SPATA13: variants seen among roughly 807,000 people sequenced by gnomAD.
The protein encoded by SPATA13 is spermatogenesis associated 13.
A neutral mutation model predicts 104.0 loss-of-function variants in SPATA13; 50 were observed. The ratio of observed to expected loss-of-function variants is 0.48; its 90% CI spans 0.38 to 0.61. SPATA13 has a LOEUF of 0.61. SPATA13 is among the 20% of genes least tolerant of loss of function. SPATA13 has a pLI of 0.00. For synonymous variants in SPATA13, 606 were observed against 667.5 expected, an observed-to-expected ratio of 0.91 and a Z score of 1.42; for missense variants, 1,524 against 1,690.6, an observed-to-expected ratio of 0.90 and a Z score of 1.73.
intron 3 of SPATA13, among the ~76,000 whole-genome samples, chr13:24,111,001 G>C (rs1880621405): frequency 6.6e-6 from 1 of 152,078 alleles, no homozygotes; most frequent in Non-Finnish European, 1.5e-5. Flanking sequence ...TCGAACTCCT[G>C]AACTCCAGTG....
intron 3 of SPATA13, among the ~76,000 whole-genome samples, chr13:24,047,992 G>A (rs1241050843): frequency 6.6e-6 from 1 of 152,210 alleles, no homozygotes; most frequent in Non-Finnish European, 1.5e-5. Flanking sequence ...CAGGGTAGGA[G>A]ACAGATGTCC....
Position 24,306,988 on chromosome 13 carries a change from A to G in SPATA13, c.*4215A>G, listed in dbSNP as rs573347921. 6.6e-6 allele frequency: 1 copy of G among 152,260 alleles called. No homozygotes were observed. Among genetic ancestry groups the G allele is most frequent in the Non-Finnish European group, 1.5e-5 (1 of 68,040 alleles). 9.4% of individuals were successfully genotyped at this position (152,260 alleles called of 1,614,324 possible). On this transcript the variant is annotated 3_prime_UTR_variant, in exon 13 of 13. Coordinates refer to ENST00000382108, the MANE Select transcript of SPATA13 (RefSeq NM_001166271.3). ...TTGAAGTTTTTTGTAAAAAAAAATTATTTACAATGTTATTTGAATGATTTT... is the reference window on the plus strand; with the variant it reads ...TTGAAGTTTTTTGTAAAAAAAAATTGTTTACAATGTTATTTGAATGATTTT...
intron 2 of SPATA13, among the ~76,000 whole-genome samples, chr13:24,238,853 T>C (rs1872698398): frequency 6.6e-6 from 1 of 152,204 alleles, no homozygotes; most frequent in Non-Finnish European, 1.5e-5. Flanking sequence ...TGGAAATATT[T>C]GGCAGCAGAA....
chr13:24,062,501 C>G (rs761507130), intron 3 of SPATA13, among the ~76,000 whole-genome samples: 6 of 152,224 alleles, frequency 3.9e-5, no homozygotes, highest in Admixed American at 6.5e-5. Context: ...CTCCAGGGCT[C>G]TGTGAACCTG....
In SPATA13 at chr13:24,262,305, T is replaced by C. The variant is rs370416724; in HGVS notation, c.2164+10443T>C. On this transcript the variant is annotated intron_variant, in intron 4 of 12. Coordinates refer to ENST00000382108, the MANE Select transcript of SPATA13 (RefSeq NM_001166271.3). Reference sequence around the variant, plus strand: ...TTTTGTTTGTTTAAAACAAAGTTTTTTTTCTTTTTTTTTTTTTAGCTCTTT... The same window carrying C: ...TTTTGTTTGTTTAAAACAAAGTTTTCTTTCTTTTTTTTTTTTTAGCTCTTT... Among the ~76,000 whole-genome samples the C allele has an allele frequency of 2.8e-5, 4 of 141,090 alleles. No individual in the cohort carries two copies. The South Asian group carries it at 8.6e-4, about 30-fold the overall frequency. The allele number at this position is 141,090 out of a possible 152,430, so 92.6% of individuals were successfully genotyped here. A position where few individuals can be genotyped will look rare whatever the true frequency, so the allele number is the denominator to read the frequency against.
intron 1 of SPATA13, among the ~76,000 whole-genome samples, chr13:24,209,624 C>T (rs964071437): frequency 5.3e-5 from 8 of 152,164 alleles, no homozygotes; most frequent in Non-Finnish European, 1.2e-4. Context: ...AATAGTACTC[C>T]GTTGTGTGTG....
chr13:24,233,611 T>C (rs74810273), intron 2 of SPATA13, among the ~76,000 whole-genome samples: 3 of 152,138 alleles, frequency 2.0e-5, no homozygotes, highest in Non-Finnish European at 4.4e-5. Flanking sequence ...AATGGAATCA[T>C]TTTCTAAGTC....
At chr13:24,081,178 A>G (rs1424326088) in intron 3 of SPATA13, among the ~76,000 whole-genome samples, 2 of 152,200 alleles carry the variant, frequency 1.3e-5, no homozygotes, top group African/African-American at 4.8e-5. Flanking sequence ...AATTGATGCA[A>G]TAATTTGACT....
chr13:23,988,238 C>T (rs1385466509), intron 2 of SPATA13, among the ~76,000 whole-genome samples: 7 of 152,306 alleles, frequency 4.6e-5, no homozygotes, highest in Admixed American at 2.0e-4. Flanking sequence ...TGAGCCACTG[C>T]GCCCAGCCAA....
At chr13:24,079,870 AT>A (rs1322996773) in intron 3 of SPATA13, among the ~76,000 whole-genome samples, 1 of 152,076 alleles carries the variant, frequency 6.6e-6, no homozygotes, top group African/African-American at 2.4e-5. Flanking sequence ...GAGGATGGGG[AT>A]ACTCATACAC....
chr13:24,140,006 TG>T (rs1256752893), intron 3 of SPATA13, among the ~76,000 whole-genome samples: 7 of 149,022 alleles, frequency 4.7e-5, no homozygotes, highest in Non-Finnish European at 7.4e-5. Flanking sequence ...AGGCGGAGCT[TG>T]GCAGTGAGCC....
intron 4 of SPATA13, among the ~76,000 whole-genome samples, chr13:24,283,498 G>A (rs1417491198): frequency 6.6e-6 from 1 of 152,214 alleles, no homozygotes; most frequent in Non-Finnish European, 1.5e-5. Context: ...TGCCAAGGGT[G>A]GCTCATTTTC....
At chr13:24,228,289 A>G (rs1872068522) in intron 2 of SPATA13, among the ~76,000 whole-genome samples, 2 of 151,300 alleles carry the variant, frequency 1.3e-5, no homozygotes, top group Non-Finnish European at 1.5e-5. Context: ...CATGTTTTCT[A>G]TTTTTTTAGT....
intron 1 of SPATA13, among the ~76,000 whole-genome samples, chr13:24,188,760 T>A (rs1869324238): frequency 6.6e-6 from 1 of 151,458 alleles, no homozygotes. Context: ...GATGCCATTC[T>A]AGGATTTTTC....
intron 1 of SPATA13, among the ~76,000 whole-genome samples, chr13:24,214,660 T>C (rs1240769001): frequency 6.6e-6 from 1 of 152,184 alleles, no homozygotes; most frequent in African/African-American, 2.4e-5. Context: ...AGAGGGATGC[T>C]CCCTGGTGTT....
At chr13:24,110,869 C>T (rs768397419) in intron 3 of SPATA13, among the ~76,000 whole-genome samples, 14 of 152,196 alleles carry the variant, frequency 9.2e-5, no homozygotes, top group Non-Finnish European at 1.8e-4. Context: ...CTGCTAAAGA[C>T]TGAAATATGT....
chr13:24,237,639 A>G lies in SPATA13; in HGVS notation c.1654-11838A>G, dbSNP rs183260740. 1.1e-4 allele frequency among the ~76,000 whole-genome samples: 17 copies of G among 152,184 alleles called. No individual in the cohort carries two copies. In the East Asian group the frequency reaches 3.1e-3, roughly 28 times the overall value. On this transcript the variant is annotated intron_variant, in intron 2 of 12. Coordinates refer to ENST00000382108, the MANE Select transcript of SPATA13 (RefSeq NM_001166271.3). ...GATAATTACATAACAGTGTGAATGT[A>G]CTTAATCCCACTGACTCATACACCT...
intron 2 of SPATA13, among the ~76,000 whole-genome samples, chr13:24,012,143 A>G (rs9510991): frequency 0.71 from 108,285 of 152,148 alleles, 38,886 homozygotes; most frequent in Non-Finnish European, 0.74. Context: ...GTGTGTAACC[A>G]GCCTATGATG....
At chr13:23,983,962 G>A in intron 2 of SPATA13, 1 of 985,196 alleles carries the variant, frequency 1.0e-6, no homozygotes, top group Non-Finnish European at 1.2e-6. Context: ...TGCCTGCATG[G>A]CATTATCCAT....
Sources: gnomAD v4.1 joint callset for allele counts (sites outside exome capture counted in the v4.1 genomes callset) on GRCh38, gnomAD v4.1.1 for gene constraint, MANE v1.5 for transcripts, NCBI Gene and HGNC (gene_info 2026-07-23, HGNC 2026-07-21) for gene names.